Variants in GREB1L observed in about 807,000 individuals in gnomAD.
GREB1L encodes GREB1 like retinoic acid receptor coactivator, also known as GREB1-like protein.
GREB1L carries 17 observed loss-of-function variants against 200.8 expected under a neutral mutation model. The ratio of observed to expected loss-of-function variants is 0.08; its 90% CI spans 0.06 to 0.13. GREB1L has a LOEUF of 0.13. GREB1L is among the 10% of genes least tolerant of loss of function. The pLI, the probability that GREB1L is intolerant of heterozygous loss-of-function variation, is 1.00. For missense variants in GREB1L, 1,657 were observed against 2,367.7 expected (o/e 0.70, Z 6.23); for synonymous variants, 789 against 893.0 (o/e 0.88, Z 2.08).
intron 1 of GREB1L, among the ~76,000 whole-genome samples, chr18:21,364,298 A>G (rs1429144313): frequency 1.3e-5 from 2 of 152,176 alleles, no homozygotes; most frequent in South Asian, 2.1e-4. Flanking sequence ...AAAAAGAAAT[A>G]TAATTGTTAT....
chr18:21,376,726 A>T (rs1465909180), intron 2 of GREB1L, among the ~76,000 whole-genome samples: 1 of 149,630 alleles, frequency 6.7e-6, no homozygotes, highest in Non-Finnish European at 1.5e-5. Context: ...AGTGGTGTGA[A>T]TCCGGGAGGC....
At chr18:21,505,385 G>A (rs201101372) in intron 23 of GREB1L, 27 bp from the exon 24 acceptor site, 43 of 1,544,812 alleles carry the variant, frequency 2.8e-5, no homozygotes, top group South Asian at 1.2e-5. Flanking sequence ...CCAGTCACCT[G>A]CTCTGCACAC....
chr18:21,342,180 C>T (rs1193799559), intron 1 of GREB1L, among the ~76,000 whole-genome samples: 1 of 152,026 alleles, frequency 6.6e-6, no homozygotes, highest in Admixed American at 6.5e-5. Context: ...TTCAGTCCAT[C>T]ATCATGGACT....
At chr18:21,346,872 T>C (rs2039353970) in intron 1 of GREB1L, among the ~76,000 whole-genome samples, 1 of 152,134 alleles carries the variant, frequency 6.6e-6, no homozygotes, top group Non-Finnish European at 1.5e-5. Flanking sequence ...CATCAACTCT[T>C]CCTTTTCTTT....
chr18:21,410,958 G>GAAAAAC (rs1005328155), intron 7 of GREB1L, among the ~76,000 whole-genome samples: 1 of 150,548 alleles, frequency 6.6e-6, no homozygotes, highest in East Asian at 1.9e-4. Context: ...TCTATCTTAA[G>GAAAAAC]AAAAACAAAA....
chr18:21,284,269 G>A (rs914011897), intron 1 of GREB1L, among the ~76,000 whole-genome samples: 3 of 152,122 alleles, frequency 2.0e-5, no homozygotes, highest in African/African-American at 4.8e-5. Context: ...CCATGATCAC[G>A]ATTAATTTTA....
At chr18:21,258,101 G>C (rs571630845) in intron 1 of GREB1L, among the ~76,000 whole-genome samples, 57 of 152,334 alleles carry the variant, frequency 3.7e-4, no homozygotes, top group African/African-American at 1.3e-3. Context: ...AGATTGGGAT[G>C]TCAGGAATTG....
intron 4 of GREB1L, among the ~76,000 whole-genome samples, chr18:21,391,930 C>T (rs1362404870): frequency 6.6e-6 from 1 of 152,204 alleles, no homozygotes; most frequent in East Asian, 1.9e-4. Flanking sequence ...CTGCCTCAGC[C>T]TCCCGAGTGC....
chr18:21,391,337 C>A (rs2040795302), intron 4 of GREB1L, among the ~76,000 whole-genome samples: 1 of 152,220 alleles, frequency 6.6e-6, no homozygotes, highest in Non-Finnish European at 1.5e-5. Context: ...GAATGCTATC[C>A]AGGTTTGTAG....
intron 1 of GREB1L, among the ~76,000 whole-genome samples, chr18:21,343,220 A>G (rs1179487217): frequency 2.6e-5 from 4 of 152,160 alleles, no homozygotes; most frequent in African/African-American, 7.2e-5. Flanking sequence ...TTCTACTATC[A>G]TAGTGAACTA....
At chr18:21,372,497 T>A (rs1181461950) in intron 2 of GREB1L, among the ~76,000 whole-genome samples, 1 of 148,898 alleles carries the variant, frequency 6.7e-6, no homozygotes, top group African/African-American at 2.6e-5. Flanking sequence ...TTTTTTGCAA[T>A]TTTTTTTGTT....
intron 1 of GREB1L, among the ~76,000 whole-genome samples, chr18:21,308,118 A>C (rs1050243769): frequency 6.6e-6 from 1 of 152,222 alleles, no homozygotes; most frequent in Non-Finnish European, 1.5e-5. Context: ...GACACTATCA[A>C]CTATTTTTGA....
rs1326746115 is a variant in GREB1L, at chr18:21,499,898, C to T, written c.3561C>T (p.Asp1187=). 1.3e-6 allele frequency: 2 copies of T among 1,549,638 alleles called. No homozygotes were observed. Among genetic ancestry groups the T allele is most frequent in the Non-Finnish European group, 1.7e-6 (2 of 1,146,124 alleles). ...GGGAGACTCTGAAGCAGGAATGTGACTCCCTGGGCCCCCAGATGGCGAGCA... is the reference window on the plus strand; with the variant it reads ...GGGAGACTCTGAAGCAGGAATGTGATTCCCTGGGCCCCCAGATGGCGAGCA... ...GAGETLKQEC[D]SLGPQMASST... The change falls in exon 22 of 33, where the codon GAC becomes GAT. Residue 1187 remains aspartate (D), a synonymous_variant. Coordinates refer to ENST00000424526, the MANE Select transcript of GREB1L (RefSeq NM_001142966.3).
intron 9 of GREB1L, 82 bp downstream of exon 9, chr18:21,440,470 C>A (rs1377531451): frequency 1.5e-6 from 2 of 1,349,672 alleles, no homozygotes; most frequent in South Asian, 1.3e-5. Context: ...TCCCTGAATT[C>A]TTGACAATGA....
intron 11 of GREB1L, among the ~76,000 whole-genome samples, chr18:21,447,142 G>A (rs1598855183): frequency 6.6e-6 from 1 of 152,146 alleles, no homozygotes; most frequent in East Asian, 1.9e-4. Flanking sequence ...ATGAGGTACT[G>A]GGTGTGGTGG....
intron 18 of GREB1L, among the ~76,000 whole-genome samples, chr18:21,487,124 A>G (rs963343693): frequency 2.6e-5 from 4 of 152,208 alleles, no homozygotes; most frequent in Non-Finnish European, 5.9e-5. Context: ...AAATCATTCC[A>G]TGAGTACCCC....
At chr18:21,289,044 T>C (rs1019484224) in intron 1 of GREB1L, among the ~76,000 whole-genome samples, 6 of 152,070 alleles carry the variant, frequency 3.9e-5, no homozygotes, top group Admixed American at 6.6e-5. Context: ...CCAGCTACCA[T>C]GCTTTCTTTC....
At chr18:21,294,171 C>G (rs937253985) in intron 1 of GREB1L, among the ~76,000 whole-genome samples, 1 of 152,108 alleles carries the variant, frequency 6.6e-6, no homozygotes, top group African/African-American at 2.4e-5. Flanking sequence ...AAATGTGGCT[C>G]ATGTGACTGA....
At chr18:21,491,414 C>T (rs1273943958) in intron 19 of GREB1L, among the ~76,000 whole-genome samples, 1 of 152,014 alleles carries the variant, frequency 6.6e-6, no homozygotes, top group Non-Finnish European at 1.5e-5. Context: ...ATTTAGTGTT[C>T]AAAAATTGTT....
Sources: gnomAD v4.1 joint callset for allele counts (sites outside exome capture counted in the v4.1 genomes callset) on GRCh38, gnomAD v4.1.1 for gene constraint, MANE v1.5 for transcripts, NCBI Gene and HGNC (gene_info 2026-07-23, HGNC 2026-07-21) for gene names.